Variants in RBM19 observed in about 807,000 individuals in gnomAD.
RBM19 encodes probable RNA-binding protein 19.
RBM19 carries 94 observed loss-of-function variants against 116.8 expected under a neutral mutation model. The observed-to-expected ratio is 0.80, with a 90% CI of 0.68 to 0.95. RBM19 has a LOEUF of 0.95. Among genes scored for constraint, RBM19 ranks in the 40% least tolerant of loss-of-function variants. The pLI is 0.00. For synonymous variants in RBM19, 475 were observed against 494.1 expected, an observed-to-expected ratio of 0.96 and a Z score of 0.51; for missense variants, 1,161 against 1,220.7, an observed-to-expected ratio of 0.95 and a Z score of 0.73.
At chr12:113,933,537 C>T (rs199908517) in intron 16 of RBM19, among the ~76,000 whole-genome samples, 2 of 110,082 alleles carry the variant, frequency 1.8e-5, no homozygotes, top group African/African-American at 4.7e-5. Flanking sequence ...GGAGGCCCAG[C>T]GGCCGGGCTC....
In RBM19 at chr12:113,959,243, A is replaced by G. The variant is rs374622887; in HGVS notation, c.540T>C (p.Ser180=). 145 of 1,611,782 alleles carry G rather than the reference A, an allele frequency of 9.0e-5. No homozygotes were observed. The highest frequency in any genetic ancestry group is 1.9e-4 in the Middle Eastern group (1 of 5,328). ...LNFDSDSGQE[S]EEEGAGEDLE... is the part of the protein sequence containing the mutation. ...GGTCCTCCCCGGCTCCCTCCTCCTCACTCTCCTGCCCAGAATCGGAGTCGA... is the reference window on the plus strand; with the variant it reads ...GGTCCTCCCCGGCTCCCTCCTCCTCGCTCTCCTGCCCAGAATCGGAGTCGA... Residue 180 remains serine (S), a synonymous_variant, in exon 5 of 24, where the codon AGT becomes AGC. Coordinates refer to ENST00000261741, the MANE Select transcript of RBM19 (RefSeq NM_016196.4).
At chr12:113,936,900 A>G (rs1870119308) in intron 16 of RBM19, 107 bp downstream of exon 16, 2 of 1,433,744 alleles carry the variant, frequency 1.4e-6, no homozygotes, top group Non-Finnish European at 1.9e-6. Context: ...AGCATGAACA[A>G]AGAGCTTTAA....
chr12:113,917,956 C>T (rs1882873450), intron 20 of RBM19, among the ~76,000 whole-genome samples: 2 of 152,284 alleles, frequency 1.3e-5, no homozygotes, highest in South Asian at 2.1e-4. Context: ...TGGAGGCCAT[C>T]GTAGGCACTG....
chr12:113,900,785 T>C (rs555255294), intron 21 of RBM19, among the ~76,000 whole-genome samples: 5 of 152,306 alleles, frequency 3.3e-5, no homozygotes, highest in African/African-American at 1.2e-4. Flanking sequence ...CAGTAACTTT[T>C]ACAGCCTCTG....
chr12:113,937,583 C>T (rs1262881806), intron 15 of RBM19, among the ~76,000 whole-genome samples: 5 of 152,056 alleles, frequency 3.3e-5, no homozygotes, highest in Non-Finnish European at 7.4e-5. Flanking sequence ...TATACGTGTG[C>T]ATATGTGTGC....
At chr12:113,817,360 G>A (rs765885254), downstream of RBM19, 4 of 152,276 alleles carry the variant, frequency 2.6e-5, no homozygotes, top group Non-Finnish European at 5.9e-5. Context: ...CCCAGCAGGT[G>A]TCTGATGGAT....
Position 113,856,484 on chromosome 12 carries a change from C to T in RBM19, c.2664+2307G>A, listed in dbSNP as rs1286199796. On this transcript the variant is annotated intron_variant, in intron 22 of 23. Transcript: ENST00000261741. ...CTCCATGTCCCAAGGGCTGTGTCAACTCGGCATCAACCTCTTGGTGCTGAA... is the reference window on the plus strand; with the variant it reads ...CTCCATGTCCCAAGGGCTGTGTCAATTCGGCATCAACCTCTTGGTGCTGAA... 2.6e-5 allele frequency among the ~76,000 whole-genome samples: 4 copies of T among 152,224 alleles called. No homozygotes were observed. In the South Asian group the frequency reaches 8.3e-4, roughly 32 times the overall value.
chr12:113,907,755 G>A (rs1487346860), intron 21 of RBM19, among the ~76,000 whole-genome samples: 1 of 152,132 alleles, frequency 6.6e-6, no homozygotes, highest in Admixed American at 6.5e-5. Flanking sequence ...CCCCACTTAG[G>A]CCTTGTGTTT....
intron 1 of RBM19, 169 bp downstream of exon 1, chr12:113,966,023 C>A: frequency 1.4e-6 from 1 of 712,194 alleles, no homozygotes; most frequent in Non-Finnish European, 2.4e-6. Flanking sequence ...CCTCTTTCCT[C>A]GGGATCAAAT....
chr12:113,845,941 G>A (rs566947137), intron 22 of RBM19, among the ~76,000 whole-genome samples: 15 of 152,326 alleles, frequency 9.8e-5, no homozygotes, highest in South Asian at 2.1e-4. Flanking sequence ...TCCATAAAAC[G>A]GGTATGTTCA....
intron 21 of RBM19, among the ~76,000 whole-genome samples, chr12:113,904,568 T>C (rs1403751072): frequency 6.6e-6 from 1 of 152,148 alleles, no homozygotes; most frequent in Admixed American, 6.5e-5. Context: ...GTATCGTTAA[T>C]GGTGCCTTGC....
At chr12:113,837,897 C>G (rs1391290384) in intron 23 of RBM19, among the ~76,000 whole-genome samples, 2 of 152,240 alleles carry the variant, frequency 1.3e-5, no homozygotes, top group Non-Finnish European at 2.9e-5. Context: ...AATGTTACCA[C>G]AGGCATTAGC....
At chr12:113,912,801 T>C (rs912371325) in intron 21 of RBM19, among the ~76,000 whole-genome samples, 4 of 152,180 alleles carry the variant, frequency 2.6e-5, no homozygotes, top group African/African-American at 9.7e-5. Flanking sequence ...CCCTGGCTAA[T>C]GACCTTTACC....
intron 23 of RBM19, among the ~76,000 whole-genome samples, chr12:113,838,661 GGCC>G (rs1478378507): frequency 5.3e-5 from 8 of 152,200 alleles, no homozygotes; most frequent in Admixed American, 5.2e-4. Context: ...GATAGTACCT[GGCC>G]GCCAAGTAAG....
chr12:113,948,709 T>C, intron 10 of RBM19, 124 bp downstream of exon 10: 2 of 957,010 alleles, frequency 2.1e-6, no homozygotes, highest in Non-Finnish European at 3.1e-6. Context: ...ATTTTACAGA[T>C]GAGAAAACTG....
intron 1 of RBM19, among the ~76,000 whole-genome samples, chr12:113,964,396 T>C (rs796491580): frequency 7.2e-5 from 11 of 152,336 alleles, no homozygotes; most frequent in African/African-American, 2.6e-4. Context: ...TCTCCAAGTG[T>C]CAGCTGCAAC....
In RBM19 at chr12:113,966,058, C is replaced by T. The variant is rs1040416324; in HGVS notation, c.36+134G>A. On this transcript the variant is annotated intron_variant, in intron 1 of 23. Coordinates refer to ENST00000261741, the MANE Select transcript of RBM19 (RefSeq NM_016196.4). ...TGGGGATAAGCCCAGGATCCCGCCCCCTTTGAGTTCAGAATTGGCCCGGAG... is the reference window on the plus strand; with the variant it reads ...TGGGGATAAGCCCAGGATCCCGCCCTCTTTGAGTTCAGAATTGGCCCGGAG... The T allele has an allele frequency of 3.1e-6, 3 of 973,356 alleles. No individual in the cohort carries two copies. In the African/African-American group the frequency reaches 4.8e-5, roughly 16 times the overall value. 60.3% of individuals were successfully genotyped at this position (973,356 alleles called of 1,614,324 possible).
chr12:113,928,423 C>CACAT (rs1188847613), intron 16 of RBM19, among the ~76,000 whole-genome samples: 4 of 137,766 alleles, frequency 2.9e-5, no homozygotes, highest in Non-Finnish European at 5.9e-5. Context: ...TGCATACACA[C>CACAT]ACACACACAC....
chr12:113,845,625 A>T (rs186049576), intron 22 of RBM19, among the ~76,000 whole-genome samples: 2 of 151,970 alleles, frequency 1.3e-5, no homozygotes, highest in African/African-American at 4.8e-5. Context: ...AGCCCCTGGC[A>T]ACCACCAGTC....
Sources: gnomAD v4.1 joint callset for allele counts (sites outside exome capture counted in the v4.1 genomes callset) on GRCh38, gnomAD v4.1.1 for gene constraint, MANE v1.5 for transcripts, NCBI Gene and HGNC (gene_info 2026-07-23, HGNC 2026-07-21) for gene names.